ERP44: variants seen among roughly 807,000 people sequenced by gnomAD.
ERP44 encodes the protein endoplasmic reticulum protein 44.
ERP44 carries 25 observed loss-of-function variants against 53.4 expected under a neutral mutation model. That is an observed-to-expected ratio of 0.47 (90% CI 0.34 to 0.65). ERP44 has a LOEUF of 0.65. Among genes scored for constraint, ERP44 ranks in the 30% least tolerant of loss-of-function variants. The probability of loss-of-function intolerance (pLI) is 0.01; values close to 1 mark genes in which losing one functional copy is unlikely to be tolerated. For missense variants in ERP44, 338 were observed against 493.2 expected (o/e 0.69, Z 2.98); for synonymous variants, 145 against 161.2 (o/e 0.90, Z 0.76).
intron 10 of ERP44, chr9:99,999,166 G>T (rs4495492): frequency 2.4e-5 from 12 of 508,988 alleles, no homozygotes; most frequent in South Asian, 1.3e-4. Flanking sequence ...TCCGCCCCCC[G>T]ACCCTGTCCC....
chr9:100,065,062 C>T (rs1203562412), intron 1 of ERP44, among the ~76,000 whole-genome samples: 1 of 152,146 alleles, frequency 6.6e-6, no homozygotes, highest in Non-Finnish European at 1.5e-5. Context: ...CAGTAAGGTA[C>T]AGTAATAACT....
chr9:100,053,198 C>G (rs1826055782), intron 3 of ERP44, among the ~76,000 whole-genome samples: 1 of 152,152 alleles, frequency 6.6e-6, no homozygotes, highest in Non-Finnish European at 1.5e-5. Flanking sequence ...TATTTCCCCT[C>G]AAAATTTACC....
chr9:100,026,913 A>C (rs1158646582), intron 4 of ERP44, among the ~76,000 whole-genome samples: 3 of 152,208 alleles, frequency 2.0e-5, no homozygotes, highest in Non-Finnish European at 4.4e-5. Context: ...ATCAGTATGA[A>C]AATGGACAGC....
At chr9:99,985,115 T>TA in intron 10 of ERP44, 46 bp from the exon 11 acceptor site, 4 of 1,302,264 alleles carry the variant, frequency 3.1e-6, no homozygotes, top group Non-Finnish European at 4.4e-6. Flanking sequence ...AATGGACTTA[T>TA]CTCTATTTTA....
intron 4 of ERP44, among the ~76,000 whole-genome samples, chr9:100,047,550 A>C (rs1227279074): frequency 6.6e-6 from 1 of 152,216 alleles, no homozygotes; most frequent in African/African-American, 2.4e-5. Flanking sequence ...TGTTCCATAC[A>C]CAAAAATTAA....
intron 4 of ERP44, among the ~76,000 whole-genome samples, chr9:100,035,734 A>G (rs1825843130): frequency 1.3e-5 from 2 of 152,178 alleles, no homozygotes; most frequent in African/African-American, 4.8e-5. Context: ...AAGTGGACAA[A>G]GGATGTGAAC....
intron 10 of ERP44, among the ~76,000 whole-genome samples, chr9:99,992,354 G>A (rs565378654): frequency 2.0e-5 from 3 of 152,108 alleles, no homozygotes; most frequent in South Asian, 4.2e-4. Context: ...ATGCAAGGCT[G>A]GTTCAACATA....
At position 100,007,684 on chromosome 9, in the gene ERP44, C is replaced by T. The variant is rs113208535; in HGVS notation, c.768G>A (p.Leu256=). The stretch of plus-strand genomic sequence containing the variant: ...TGAGAAAAGGCAGTCCTTCTTCTGT[C>T]AATTCCTGTAGAGAGAAGCATTCAA... ...REITFENGEE[L]TEEGLPFLIL... The change falls in exon 9 of 12, where the codon TTG becomes TTA. Residue 256 remains leucine (L), a synonymous_variant. Coordinates refer to ENST00000262455, the MANE Select transcript of ERP44 (RefSeq NM_015051.3). The T allele has an allele frequency of 2.7e-6, 4 of 1,506,354 alleles. No individual in the cohort carries two copies. The African/African-American group carries it at 4.1e-5, about 16-fold the overall frequency. 93.3% of individuals were successfully genotyped at this position (1,506,354 alleles called of 1,614,324 possible).
rs147050072 is a variant in ERP44, at chr9:100,030,456, A to G, written c.287-8230T>C. Among the ~76,000 whole-genome samples, 598 of 152,242 alleles carry G rather than the reference A, an allele frequency of 3.9e-3. 3 individuals carry two copies. The highest frequency in any genetic ancestry group is 5.9e-3 in the Non-Finnish European group (401 of 67,992). On this transcript the variant is annotated intron_variant, in intron 4 of 11. Coordinates refer to ENST00000262455, the MANE Select transcript of ERP44 (RefSeq NM_015051.3). Reference sequence around the variant, plus strand: ...GAGGGGAGTTAGAGTGTCTCCTAAAAAAGAGTGGGTTAAAGGCCCCTCTTA... The same window carrying G: ...GAGGGGAGTTAGAGTGTCTCCTAAAGAAGAGTGGGTTAAAGGCCCCTCTTA...
In ERP44 at chr9:100,006,602, G is replaced by A; in HGVS notation, c.920C>T (p.Pro307Leu). ...TGGAGTTTTCTGTATGTGCAGAAGA[G>A]GATGTCTAAATTTGTCACAATCGGC... ...LHADCDKFRH[P>L]LLHIQKTPAD... Residue 307 changes from proline to leucine, a missense_variant, in exon 10 of 12, where the codon CCT becomes CTT. Transcript: ENST00000262455. 1 of 1,606,624 alleles carries A rather than the reference G, an allele frequency of 6.2e-7. No homozygotes were observed. Among genetic ancestry groups the A allele is most frequent in the Non-Finnish European group, 8.5e-7 (1 of 1,176,760 alleles).
intron 4 of ERP44, among the ~76,000 whole-genome samples, chr9:100,034,069 G>A (rs1050639026): frequency 2.0e-4 from 30 of 152,144 alleles, no homozygotes; most frequent in African/African-American, 6.3e-4. Context: ...CATAGGGGTT[G>A]GGTAAAATAA....
At chr9:100,035,380 A>G (rs1274593816) in intron 4 of ERP44, among the ~76,000 whole-genome samples, 5 of 152,182 alleles carry the variant, frequency 3.3e-5, no homozygotes, top group African/African-American at 1.2e-4. Flanking sequence ...TCAATAAACA[A>G]AACACGAATA....
intron 1 of ERP44, among the ~76,000 whole-genome samples, chr9:100,097,474 T>A (rs1826651655): frequency 6.6e-6 from 1 of 152,146 alleles, no homozygotes; most frequent in South Asian, 2.1e-4. Flanking sequence ...ATTCTAACAC[T>A]TCTAGAAGGA....
chr9:100,046,778 T>C (rs1324294327), intron 4 of ERP44, among the ~76,000 whole-genome samples: 2 of 152,068 alleles, frequency 1.3e-5, no homozygotes, highest in African/African-American at 4.8e-5. Context: ...AAGCTGATTC[T>C]AAAAGTTAAA....
intron 1 of ERP44, among the ~76,000 whole-genome samples, chr9:100,068,058 GC>G (rs1199702640): frequency 1.4e-5 from 2 of 147,748 alleles, no homozygotes; most frequent in African/African-American, 5.0e-5. Flanking sequence ...CCGGCCAGCC[GC>G]CCCATCCGGG....
chr9:100,020,326 A>T (rs1454794611), intron 6 of ERP44, among the ~76,000 whole-genome samples: 1 of 152,246 alleles, frequency 6.6e-6, no homozygotes, highest in African/African-American at 2.4e-5. Context: ...TTTGTCTGAC[A>T]TAGGGTAAGA....
intron 8 of ERP44, among the ~76,000 whole-genome samples, chr9:100,013,362 T>C (rs1400945779): frequency 6.7e-6 from 1 of 149,628 alleles, no homozygotes; most frequent in African/African-American, 2.5e-5. Context: ...CTGGGAAAAT[T>C]AGAAAAACCA....
At chr9:100,044,315 T>A (rs546665923) in intron 4 of ERP44, among the ~76,000 whole-genome samples, 2 of 152,264 alleles carry the variant, frequency 1.3e-5, no homozygotes, top group South Asian at 4.1e-4. Flanking sequence ...AGGTCTCTAC[T>A]CTCATAGAGC....
chr9:100,038,179 A>G (rs1399468855), intron 4 of ERP44, among the ~76,000 whole-genome samples: 1 of 152,188 alleles, frequency 6.6e-6, no homozygotes, highest in Non-Finnish European at 1.5e-5. Context: ...AAAGTCACAG[A>G]AAATAGAAAG....
Sources: gnomAD v4.1 joint callset for allele counts (sites outside exome capture counted in the v4.1 genomes callset) on GRCh38, gnomAD v4.1.1 for gene constraint, MANE v1.5 for transcripts, NCBI Gene and HGNC (gene_info 2026-07-23, HGNC 2026-07-21) for gene names.